PTPRF: variants seen among roughly 807,000 people sequenced by gnomAD.
PTPRF encodes the protein protein tyrosine phosphatase receptor type F, also known as receptor-type tyrosine-protein phosphatase F.
PTPRF carries 59 observed loss-of-function variants against 201.8 expected under a neutral mutation model. That is an observed-to-expected ratio of 0.29 (90% CI 0.24 to 0.36). The LOEUF is 0.36. PTPRF is among the 10% of genes least tolerant of loss of function. The pLI is 1.00. For missense variants in PTPRF, 2,132 were observed against 2,690.5 expected (o/e 0.79, Z 4.59); for synonymous variants, 1,088 against 1,089.7 (o/e 1.00, Z 0.03).
chr1:43,615,551 CTTTTTTTTTTTTT>C (rs68193223), intron 23 of PTPRF, among the ~76,000 whole-genome samples: 28,778 of 84,716 alleles, frequency 0.34, 3,414 homozygotes, highest in Middle Eastern at 0.55. Flanking sequence ...GCTCTGTTGT[CTTTTTTTTTTTTT>C]TTTTTTTTTT....
At chr1:43,569,896 T>G in intron 6 of PTPRF, 118 bp downstream of exon 6, 40 of 1,168,840 alleles carry the variant, frequency 3.4e-5, no homozygotes, top group Non-Finnish European at 3.9e-5. Context: ...GGAGGGTACC[T>G]GGTGGGGTGG....
At chr1:43,610,980 A>G (rs761176267) in intron 22 of PTPRF, among the ~76,000 whole-genome samples, 8 of 152,244 alleles carry the variant, frequency 5.3e-5, no homozygotes, top group African/African-American at 1.7e-4. Flanking sequence ...TGCAGTAGAT[A>G]CCAGATGTCC....
chr1:43,540,514 G>T (rs1334469835), intron 2 of PTPRF, among the ~76,000 whole-genome samples: 4 of 152,194 alleles, frequency 2.6e-5, no homozygotes, highest in Non-Finnish European at 5.9e-5. Context: ...GAAGGGGCCT[G>T]GAGGCTTAGG....
intron 6 of PTPRF, among the ~76,000 whole-genome samples, chr1:43,573,920 C>T (rs1187749978): frequency 6.8e-6 from 1 of 146,248 alleles, no homozygotes; most frequent in Non-Finnish European, 1.5e-5. Flanking sequence ...TTTTTGGTCT[C>T]AGGACCTCTA....
intron 22 of PTPRF, among the ~76,000 whole-genome samples, chr1:43,612,249 G>T (rs1656620408): frequency 6.6e-6 from 1 of 152,158 alleles, no homozygotes; most frequent in Non-Finnish European, 1.5e-5. Context: ...CGTCCTGTGG[G>T]CAGAAGTGTT....
rs929393703 is a variant in PTPRF, at chr1:43,622,046, G to A, written c.*43G>A. 2.1e-5 allele frequency: 34 copies of A among 1,590,680 alleles called. No individual in the cohort carries two copies. The highest frequency in any genetic ancestry group is 6.7e-5 in the East Asian group (3 of 44,800). ...TCCGCCACCCCCGCCGTGGGGCTCCGGAGGGGACCCAGCTCCTCTGAGCCA... is the reference window on the plus strand; with the variant it reads ...TCCGCCACCCCCGCCGTGGGGCTCCAGAGGGGACCCAGCTCCTCTGAGCCA... On this transcript the variant is annotated 3_prime_UTR_variant, in exon 34 of 34. Coordinates refer to ENST00000359947, the MANE Select transcript of PTPRF (RefSeq NM_002840.5).
At chr1:43,600,954 G>C (rs573801268) in intron 13 of PTPRF, among the ~76,000 whole-genome samples, 2 of 152,292 alleles carry the variant, frequency 1.3e-5, no homozygotes, top group East Asian at 3.9e-4. Flanking sequence ...GGCTTGGTTG[G>C]GACAGCCCAG....
intron 13 of PTPRF, among the ~76,000 whole-genome samples, chr1:43,600,782 G>C (rs1653555740): frequency 6.6e-6 from 1 of 151,700 alleles, no homozygotes. Flanking sequence ...TTTTTGTCTT[G>C]CTCTTTCTCT....
intron 6 of PTPRF, among the ~76,000 whole-genome samples, chr1:43,571,707 A>G (rs1646583437): frequency 1.3e-5 from 2 of 152,128 alleles, no homozygotes; most frequent in East Asian, 3.9e-4. Context: ...AGAATCCATC[A>G]TCCTGTAGGT....
intron 6 of PTPRF, among the ~76,000 whole-genome samples, chr1:43,570,865 A>AT (rs1646519349): frequency 6.6e-6 from 1 of 152,222 alleles, no homozygotes. Flanking sequence ...AACAGCCATA[A>AT]TCAAGGCAGC....
At chr1:43,606,128 A>T in intron 19 of PTPRF, 112 bp from the exon 20 acceptor site, 1 of 1,225,658 alleles carries the variant, frequency 8.2e-7, no homozygotes, top group Non-Finnish European at 1.1e-6. Context: ...GGGCTCTGAC[A>T]CGGAAGGTGA....
At chr1:43,566,784 C>G (rs1004018885) in intron 5 of PTPRF, among the ~76,000 whole-genome samples, 3 of 152,164 alleles carry the variant, frequency 2.0e-5, no homozygotes, top group African/African-American at 7.2e-5. Flanking sequence ...CGAGTGCTGC[C>G]TAGAAGCCTA....
intron 3 of PTPRF, among the ~76,000 whole-genome samples, chr1:43,552,021 C>T (rs567093133): frequency 2.0e-4 from 31 of 152,134 alleles, no homozygotes; most frequent in Admixed American, 1.8e-3. Context: ...CCCCATCTGC[C>T]GTCCCTTCTC....
intron 1 of PTPRF, among the ~76,000 whole-genome samples, chr1:43,533,866 C>T (rs1284056803): frequency 1.3e-5 from 2 of 152,166 alleles, no homozygotes; most frequent in African/African-American, 4.8e-5. Flanking sequence ...GTGCCAGACC[C>T]CGGGGTAGGC....
intron 19 of PTPRF, 61 bp downstream of exon 19, chr1:43,605,683 C>T (rs1654924749): frequency 2.0e-6 from 3 of 1,482,534 alleles, no homozygotes; most frequent in East Asian, 2.3e-5. Context: ...TGTGGCCTTC[C>T]TGCCCTGAGC....
At chr1:43,558,813 A>G (rs11580074) in intron 5 of PTPRF, among the ~76,000 whole-genome samples, 111,645 of 151,882 alleles carry the variant, frequency 0.74, 41,368 homozygotes, top group Non-Finnish European at 0.78. Flanking sequence ...CAGGAGGTTG[A>G]GGGGCAGTGA....
Position 43,571,822 on chromosome 1 carries a change from C to T in PTPRF, c.568+2044C>T, listed in dbSNP as rs369214940. Among the ~76,000 whole-genome samples, 29 of 152,390 alleles carry T rather than the reference C, an allele frequency of 1.9e-4. No homozygotes were observed. In the East Asian group the frequency reaches 2.7e-3, roughly 14 times the overall value. Reference sequence around the variant, plus strand: ...TTAGAGGGCCCTTCTTGGTCTTCCCCTGCCCGTGTCTCATCGGGTCCTGGC... The same window carrying T: ...TTAGAGGGCCCTTCTTGGTCTTCCCTTGCCCGTGTCTCATCGGGTCCTGGC... On this transcript the variant is annotated intron_variant, in intron 6 of 33. Transcript: ENST00000359947.
chr1:43,602,624 G>T (rs111416180), intron 14 of PTPRF, among the ~76,000 whole-genome samples: 1 of 152,014 alleles, frequency 6.6e-6, no homozygotes, highest in Admixed American at 6.5e-5. Flanking sequence ...CCACTGCACG[G>T]TGGTCCCTGC....
Position 43,619,169 on chromosome 1 carries a change from C to A in PTPRF, c.4613C>A (p.Pro1538His). ...AFLRRVKACN[P>H]LDAGPMVVHC... ...CTACGACGGGTCAAGGCCTGCAACC[C>A]CCTAGACGCAGGGCCCATGGTGGTG... The change falls in exon 27 of 34, where the codon CCC (proline) becomes CAC (histidine). Residue 1538 changes from proline to histidine, a missense_variant. Pro to His is a moderately conservative substitution (Grantham distance 77, BLOSUM62 -2). Around this residue, in one of 6 missense-constraint regions of PTPRF, gnomAD observed 519 missense variants for 659.5 expected, o/e 0.79. Transcript: ENST00000359947. 6.2e-7 allele frequency: 1 copy of A among 1,613,528 alleles called. No individual in the cohort carries two copies. Among genetic ancestry groups the A allele is most frequent in the Non-Finnish European group, 8.5e-7 (1 of 1,179,852 alleles).
Sources: gnomAD v4.1 joint callset for allele counts (sites outside exome capture counted in the v4.1 genomes callset) on GRCh38, gnomAD v4.1.1 for gene constraint, gnomAD v4.1.1 regional missense constraint, MANE v1.5 for transcripts, NCBI Gene and HGNC (gene_info 2026-07-23, HGNC 2026-07-21) for gene names.